PRAM1: variants seen among roughly 807,000 people sequenced by gnomAD.
The protein encoded by PRAM1 is PML-RARA regulated adaptor molecule 1.
A neutral mutation model predicts 55.3 loss-of-function variants in PRAM1; 41 were observed. The observed-to-expected ratio is 0.74, with a 90% CI of 0.58 to 0.96. The LOEUF is 0.96. PRAM1 is among the 40% of genes least tolerant of loss of function. PRAM1 has a pLI of 0.00. For synonymous variants in PRAM1, 401 were observed against 387.1 expected (o/e 1.04, Z -0.42); for missense variants, 898 against 892.7 (o/e 1.01, Z -0.08).
intron 4 of PRAM1, chr19:8,496,123 T>G: frequency 2.2e-6 from 1 of 455,734 alleles, no homozygotes; most frequent in South Asian, 1.6e-5. Flanking sequence ...ACAACAGGTC[T>G]AAGTAAATCA....
In PRAM1 at chr19:8,490,730, C is replaced by G; in HGVS notation, c.1770G>C (p.Thr590=). 1 of 1,610,956 alleles carries G rather than the reference C, an allele frequency of 6.2e-7. No homozygotes were observed. The change falls in exon 7 of 10, where the codon ACG becomes ACC. Residue 590 remains threonine, a synonymous_variant. Transcript: ENST00000423345. The surrounding 1 kb of genome is among the most constrained non-coding windows in gnomAD (Gnocchi z 7.3). ...TAGCGTTGGGGTCGATCATCATCTT[C>G]GTGTGAACCACGATCTCCCCTTCAA... ...FKFEGEIVVH[T]KMMIDPNAKT... is the part of the protein sequence containing the mutation.
chr19:8,494,932 C>CCCAGCTAG (rs1971677738), intron 4 of PRAM1, among the ~76,000 whole-genome samples: 1 of 135,836 alleles, frequency 7.4e-6, no homozygotes, highest in Middle Eastern at 4.2e-3. Context: ...TGCGCCTGGC[C>CCCAGCTAG]TTTTTTTTTT....
intron 1 of PRAM1, among the ~76,000 whole-genome samples, chr19:8,501,506 G>GCTT (rs1971806704): frequency 1.0e-5 from 1 of 96,252 alleles, no homozygotes; most frequent in Admixed American, 1.1e-4. Context: ...AATGTGTCTT[G>GCTT]ATTTTTTTTT....
At chr19:8,502,507 G>A in intron 1 of PRAM1, 58 bp downstream of exon 1, 3 of 1,291,192 alleles carry the variant, frequency 2.3e-6, no homozygotes, top group Non-Finnish European at 3.2e-6. Flanking sequence ...ATCCTTCTGG[G>A]AACATCTGTG....
chr19:8,501,181 C>T (rs912520121), intron 1 of PRAM1, among the ~76,000 whole-genome samples: 5 of 151,062 alleles, frequency 3.3e-5, no homozygotes, highest in African/African-American at 9.8e-5. Flanking sequence ...ATACTGCAAC[C>T]TCCGCCTCCT....
Position 8,493,221 on chromosome 19 carries a change from A to G in PRAM1, c.1577-2064T>C, listed in dbSNP as rs1971653161. On this transcript the variant is annotated intron_variant, in intron 4 of 9. Coordinates refer to ENST00000423345, the MANE Select transcript of PRAM1 (RefSeq NM_032152.5). This position sits in a 1 kb window ranked among gnomAD's most constrained non-coding sequence, Gnocchi z 4.1. ...GGTGAGTGAAAGATCCAGAACCCAG[A>G]GCCCCAGCATGTCCTTTCCGAATGG... Among the ~76,000 whole-genome samples, 1 of 152,146 alleles carries G rather than the reference A, an allele frequency of 6.6e-6. No individual in the cohort carries two copies. Among genetic ancestry groups the G allele is most frequent in the Admixed American group, 6.6e-5 (1 of 15,262 alleles).
Position 8,490,292 on chromosome 19 carries a change from G to C in PRAM1, c.1975+46C>G. On this transcript the variant is annotated intron_variant, in intron 9 of 9. Transcript: ENST00000423345. The surrounding 1 kb of genome is among the most constrained non-coding windows in gnomAD (Gnocchi z 7.3). ...AAGCCCAATAGTGAGCAGCGCCCCC[G>C]GGGAATCGCCAGGGTCCCTCCAGCC... 1 of 1,613,778 alleles carries C rather than the reference G, an allele frequency of 6.2e-7. No individual in the cohort carries two copies. Among genetic ancestry groups the C allele is most frequent in the Non-Finnish European group, 8.5e-7 (1 of 1,179,794 alleles).
At chr19:8,495,483 C>T (rs1227077220) in intron 4 of PRAM1, among the ~76,000 whole-genome samples, 6 of 152,126 alleles carry the variant, frequency 3.9e-5, no homozygotes, top group East Asian at 1.9e-4. Flanking sequence ...TCAAGTGATC[C>T]GCCCACCGGA....
chr19:8,497,659 G>C, intron 4 of PRAM1, 105 bp downstream of exon 4: 4 of 893,178 alleles, frequency 4.5e-6, no homozygotes, highest in Admixed American at 2.5e-5. Flanking sequence ...CACCCAGCAG[G>C]AGCCAGCAGG....
chr19:8,491,300 C>G lies in PRAM1; in HGVS notation c.1577-143G>C. 6 of 827,742 alleles carry G rather than the reference C, an allele frequency of 7.2e-6. No homozygotes were observed. The South Asian group carries it at 9.1e-5, about 13-fold the overall frequency. 51.3% of individuals were successfully genotyped at this position (827,742 alleles called of 1,614,324 possible). A position where few individuals can be genotyped will look rare whatever the true frequency, so the allele number is the denominator to read the frequency against. On this transcript the variant is annotated intron_variant, in intron 4 of 9. Transcript: ENST00000423345. ...CCAGGCTGGAGTGCAATGGCACAAT[C>G]TCGGCTCACTGCAACCTTCGCCTCC... is the stretch of plus-strand genomic sequence containing the variant.
In PRAM1 at chr19:8,498,883, G is replaced by T; in HGVS notation, c.925C>A (p.Pro309Thr). The T allele has an allele frequency of 6.2e-7, 1 of 1,613,192 alleles. No homozygotes were observed. Among genetic ancestry groups the T allele is most frequent in the African/African-American group, 1.3e-5 (1 of 74,994 alleles). ...AGCGCTTTGAATTCGGCCGGCCGCG[G>T]CCTCTTGGGAAGCACGCTGACTTCG... ...EPEVSVLPKRPRPAEFKALSK... is the reference protein window; with the variant it reads ...EPEVSVLPKRTRPAEFKALSK... Residue 309 changes from proline (P) to threonine (T), a missense_variant, in exon 2 of 10, where the codon CCG (proline) becomes ACG (threonine). By Grantham distance (38) the Pro-to-Thr change is conservative. Around this residue, in one of 4 missense-constraint regions of PRAM1, gnomAD observed 787 missense variants for 735.4 expected, o/e 1.07. Coordinates refer to ENST00000423345, the MANE Select transcript of PRAM1 (RefSeq NM_032152.5).
intron 4 of PRAM1, among the ~76,000 whole-genome samples, chr19:8,492,783 G>T (rs1809765857): frequency 6.6e-6 from 1 of 151,974 alleles, no homozygotes; most frequent in Non-Finnish European, 1.5e-5. Context: ...GATCACTTGA[G>T]GTCAGGAGTT....
Position 8,497,791 on chromosome 19 carries a change from C to T in PRAM1, c.1549G>A (p.Asp517Asn), listed in dbSNP as rs1971718990. 1.2e-6 allele frequency: 2 copies of T among 1,611,574 alleles called. No homozygotes were observed. The highest frequency in any genetic ancestry group is 2.7e-5 in the African/African-American group (2 of 74,628). ...CTGCCCTTGGGGCTGGGGCTGGAGT[C>T]ATCTCTGGGTTCCACATCGTCATAC... The part of the protein sequence containing the change: ...ELYDDVEPRD[D>N]SSPSPKGRDE... Residue 517 changes from aspartate (D) to asparagine (N), a missense_variant, in exon 4 of 10, where the codon GAC becomes AAC. Coordinates refer to ENST00000423345, the MANE Select transcript of PRAM1 (RefSeq NM_032152.5).
rs758706063 is a variant in PRAM1 at position 8,499,514 on chromosome 19, AGGCGGCGGG to A, written c.285_293del (p.Pro96_Pro98del). 1.6e-6 allele frequency: 1 copy of A among 635,016 alleles called. No individual in the cohort carries two copies. Among genetic ancestry groups the A allele is most frequent in the Admixed American group, 3.0e-5 (1 of 33,832 alleles). 39.3% of individuals were successfully genotyped at this position (635,016 alleles called of 1,614,324 possible). On this transcript the variant is annotated inframe_deletion, in exon 2 of 10. Transcript: ENST00000423345. ...GCTTCTTGGGGAGGTCAGTGACCTCAGGCGGCGGGGGCTTCTTGGGGAGGTCAGTGACCT... is the reference window on the plus strand; with the variant it reads ...GCTTCTTGGGGAGGTCAGTGACCTCAGGCTTCTTGGGGAGGTCAGTGACCT...
chr19:8,496,329 G>A (rs1477894402), intron 4 of PRAM1, among the ~76,000 whole-genome samples: 4 of 152,118 alleles, frequency 2.6e-5, no homozygotes, highest in South Asian at 4.2e-4. Context: ...CAGGAGAATC[G>A]CTTGAATCCA....
Position 8,497,748 on chromosome 19 carries a change from C to A in PRAM1, c.1576+16G>T, listed in dbSNP as rs1971718144. On this transcript the variant is annotated intron_variant, in intron 4 of 9. Transcript: ENST00000423345. ...CCCGAATGTTTTGCAGGGACTCGGG[C>A]AGGCCACCAACAAACCTCTGCCCTT... 6.3e-7 allele frequency: 1 copy of A among 1,593,408 alleles called. No homozygotes were observed. Among genetic ancestry groups the A allele is most frequent in the Admixed American group, 1.9e-5 (1 of 52,398 alleles).
Position 8,490,357 on chromosome 19 carries a change from G to A in PRAM1, c.1956C>T (p.Tyr652=), listed in dbSNP as rs759842073. Residue 652 remains tyrosine, a synonymous_variant, in exon 9 of 10, where the codon TAC becomes TAT. Transcript: ENST00000423345. The surrounding 1 kb of genome is among the most constrained non-coding windows in gnomAD (Gnocchi z 7.3). The part of the protein sequence containing the change: ...TALLPLETEV[Y]DDVDFCDPLE... ...ACGTACCGCAGAAGTCGACATCATC[G>A]TACACCTCCGTCTCCCTGGCAGAGC... is the stretch of plus-strand genomic sequence containing the variant. 29 of 1,613,856 alleles carry A rather than the reference G, an allele frequency of 1.8e-5. No individual in the cohort carries two copies. The highest frequency in any genetic ancestry group is 1.5e-4 in the Admixed American group (9 of 60,002).
chr19:8,490,982 G>T lies in PRAM1; in HGVS notation c.1648C>A (p.Pro550Thr), dbSNP rs1971617948. ...QDPALRKEKD[P>T]QPQQLPPMDP... ...ATGGGTGGCAACTGCTGTGGCTGGG[G>T]ATCCTTCTCCTTCCTGATAGCCCCC... Residue 550 changes from proline (P) to threonine (T), a missense_variant, in exon 6 of 10, where the codon CCC becomes ACC. Physicochemically the swap from Pro to Thr is conservative, Grantham distance 38 (BLOSUM62 -1). Coordinates refer to ENST00000423345, the MANE Select transcript of PRAM1 (RefSeq NM_032152.5). The surrounding 1 kb of genome is among the most constrained non-coding windows in gnomAD (Gnocchi z 7.3). 2.5e-6 allele frequency: 4 copies of T among 1,613,270 alleles called. No homozygotes were observed. Among genetic ancestry groups the T allele is most frequent in the African/African-American group, 2.7e-5 (2 of 74,598 alleles).
chr19:8,491,676 A>G, intron 4 of PRAM1: 1 of 178,494 alleles, frequency 5.6e-6, no homozygotes, highest in South Asian at 1.1e-4. Flanking sequence ...ATTGCCTTCC[A>G]TTCCCTTAAC....
Sources: allele counts gnomAD v4.1 joint callset (sites outside exome capture counted in the v4.1 genomes callset), GRCh38; gene constraint gnomAD v4.1.1; regional missense constraint gnomAD v4.1.1; non-coding constraint Gnocchi (gnomAD v3.1); transcripts MANE v1.5; gene names NCBI Gene and HGNC (gene_info 2026-07-23, HGNC 2026-07-21).